The following CTNNA2 variants were observed in gnomAD, a reference collection of about 807,000 sequenced individuals.
The protein encoded by CTNNA2 is catenin alpha 2, also known as catenin alpha-2.
A neutral mutation model predicts 101.0 loss-of-function variants in CTNNA2; 42 were observed. The ratio of observed to expected loss-of-function variants is 0.42; its 90% CI spans 0.32 to 0.54. CTNNA2 has a LOEUF of 0.54. Ranked by LOEUF, CTNNA2 falls within the 20% of genes least tolerant of loss-of-function variation. The pLI, the probability that CTNNA2 is intolerant of heterozygous loss-of-function variation, is 0.14. For missense variants in CTNNA2, 871 were observed against 1,223.1 expected (o/e 0.71, Z 4.29); for synonymous variants, 450 against 456.4 (o/e 0.99, Z 0.18).
At chr2:79,527,041 A>G (rs1318934821) in intron 1 of CTNNA2, among the ~76,000 whole-genome samples, 1 of 152,140 alleles carries the variant, frequency 6.6e-6, no homozygotes, top group Non-Finnish European at 1.5e-5. Flanking sequence ...TTATGCATCA[A>G]AGGACAGCAT....
chr2:80,374,678 C>CGTGTGT (rs1337506974), intron 7 of CTNNA2, among the ~76,000 whole-genome samples: 4,129 of 142,956 alleles, frequency 0.029, 151 homozygotes, highest in African/African-American at 0.085. Context: ...TGCGTGCGTG[C>CGTGTGT]GTGCGTGTGT....
chr2:79,509,408 A>C (rs1284943529), upstream of CTNNA2, among the ~76,000 whole-genome samples: 2 of 152,168 alleles, frequency 1.3e-5, no homozygotes, highest in Non-Finnish European at 2.9e-5. Flanking sequence ...AAATAGAGAC[A>C]ACTGAATATT....
intron 14 of CTNNA2, among the ~76,000 whole-genome samples, chr2:80,588,695 C>T (rs1255240003): frequency 6.6e-6 from 1 of 152,086 alleles, no homozygotes; most frequent in South Asian, 2.1e-4. Context: ...AACAAGGAGC[C>T]GCAGGCATGC....
intron 7 of CTNNA2, among the ~76,000 whole-genome samples, chr2:80,167,850 G>A (rs1000093929): frequency 2.6e-5 from 4 of 152,094 alleles, no homozygotes; most frequent in African/African-American, 7.2e-5. Context: ...TAGCTAATAC[G>A]TGATTGTAAC....
At chr2:80,088,345 A>G (rs1444728851) in intron 7 of CTNNA2, among the ~76,000 whole-genome samples, 1 of 151,994 alleles carries the variant, frequency 6.6e-6, no homozygotes, top group African/African-American at 2.4e-5. Context: ...TATGAGTGAG[A>G]CGTCTGAGCC....
intron 7 of CTNNA2, among the ~76,000 whole-genome samples, chr2:80,046,004 G>A (rs1185132553): frequency 6.6e-6 from 1 of 152,154 alleles, no homozygotes; most frequent in African/African-American, 2.4e-5. Flanking sequence ...GATGATATTT[G>A]CTTTAAAGAG....
intron 7 of CTNNA2, among the ~76,000 whole-genome samples, chr2:79,942,426 T>C (rs1371624413): frequency 6.6e-6 from 1 of 152,136 alleles, no homozygotes; most frequent in East Asian, 1.9e-4. Flanking sequence ...AAGAGGTTGT[T>C]CTCAGTCATC....
At chr2:79,911,855 C>T (rs1425822144) in intron 7 of CTNNA2, among the ~76,000 whole-genome samples, 1 of 152,188 alleles carries the variant, frequency 6.6e-6, no homozygotes, top group East Asian at 1.9e-4. Flanking sequence ...GAATTGGATG[C>T]AGCCAGATCA....
chr2:79,508,035 T>A (rs1238667973), upstream of CTNNA2, among the ~76,000 whole-genome samples: 1 of 152,190 alleles, frequency 6.6e-6, no homozygotes, highest in African/African-American at 2.4e-5. Flanking sequence ...TTCCTCAACA[T>A]CTTTTCAGGA....
At chr2:80,438,890 A>T (rs1682298581) in intron 9 of CTNNA2, among the ~76,000 whole-genome samples, 2 of 152,208 alleles carry the variant, frequency 1.3e-5, no homozygotes, top group Admixed American at 1.3e-4. Context: ...AGAATGAAGG[A>T]TGAGTATTAC....
chr2:79,807,518 T>G (rs1019292469), intron 3 of CTNNA2, among the ~76,000 whole-genome samples: 3 of 152,228 alleles, frequency 2.0e-5, no homozygotes, highest in African/African-American at 7.2e-5. Context: ...ACATGCTCTT[T>G]TAAATTTCAC....
chr2:79,892,766 G>A (rs953059343), intron 6 of CTNNA2, among the ~76,000 whole-genome samples: 5 of 152,226 alleles, frequency 3.3e-5, no homozygotes, highest in African/African-American at 1.2e-4. Flanking sequence ...AAAGATATTT[G>A]AGGCCATCCA....
intron 9 of CTNNA2, among the ~76,000 whole-genome samples, chr2:80,535,517 C>T (rs938990143): frequency 3.9e-5 from 6 of 152,136 alleles, no homozygotes; most frequent in African/African-American, 9.7e-5. Context: ...AGATGCAACA[C>T]GTCTCACCCA....
At chr2:79,856,215 C>T (rs1390623650) in intron 3 of CTNNA2, among the ~76,000 whole-genome samples, 1 of 152,162 alleles carries the variant, frequency 6.6e-6, no homozygotes, top group African/African-American at 2.4e-5. Context: ...TTTAAAAATC[C>T]AACAGTGCAA....
chr2:80,328,519 G>A (rs1036966152), intron 7 of CTNNA2, among the ~76,000 whole-genome samples: 1 of 152,196 alleles, frequency 6.6e-6, no homozygotes, highest in Non-Finnish European at 1.5e-5. Context: ...CCTAGTGGCT[G>A]GAGTGGGTCA....
At chr2:79,552,205 A>T (rs1389523840) in intron 1 of CTNNA2, among the ~76,000 whole-genome samples, 1 of 152,192 alleles carries the variant, frequency 6.6e-6, no homozygotes, top group Non-Finnish European at 1.5e-5. Context: ...AAAAGGGAAA[A>T]ATCAGCCCAA....
chr2:79,208,402 C>T (rs1052332987), intron 2 of CTNNA2, among the ~76,000 whole-genome samples: 7 of 152,276 alleles, frequency 4.6e-5, no homozygotes, highest in Non-Finnish European at 8.8e-5. Flanking sequence ...GCTGACTGAT[C>T]TAATCATTAG....
chr2:79,931,709 G>A (rs1397864980), intron 7 of CTNNA2, among the ~76,000 whole-genome samples: 1 of 152,122 alleles, frequency 6.6e-6, no homozygotes, highest in Non-Finnish European at 1.5e-5. Context: ...AGTCTGGGAA[G>A]CCTCGTTTCA....
At position 80,302,134 on chromosome 2, in the gene CTNNA2, T is replaced by C; in HGVS notation, c.1057-91077T>C. 7.7e-7 allele frequency: 1 copy of C among 1,305,642 alleles called. No homozygotes were observed. The highest frequency in any genetic ancestry group is 1.0e-6 in the Non-Finnish European group (1 of 970,118). The allele number at this position is 1,305,642 out of a possible 1,614,324, so 80.9% of individuals were successfully genotyped here. On this transcript the variant is annotated intron_variant, in intron 7 of 18. Coordinates refer to ENST00000402739, the MANE Select transcript of CTNNA2 (RefSeq NM_001282597.3). This position sits in a 1 kb window ranked among gnomAD's most constrained non-coding sequence, Gnocchi z 6.4. ...GTCTCTGGGAGAGATCCCCTTAAAG[T>C]TTCAGTCAAGGAGCATATCAGAGCA...
Sources: gnomAD v4.1 joint callset for allele counts (sites outside exome capture counted in the v4.1 genomes callset) on GRCh38, gnomAD v4.1.1 for gene constraint, Gnocchi (gnomAD v3.1) non-coding constraint, MANE v1.5 for transcripts, NCBI Gene and HGNC (gene_info 2026-07-23, HGNC 2026-07-21) for gene names.